Variants in KCNH7 observed in about 807,000 individuals in gnomAD.
The protein encoded by KCNH7 is potassium voltage-gated channel subfamily H member 7, also known as voltage-gated inwardly rectifying potassium channel KCNH7.
KCNH7 carries 49 observed loss-of-function variants against 120.8 expected under a neutral mutation model. The ratio of observed to expected loss-of-function variants is 0.41; its 90% CI spans 0.32 to 0.51. KCNH7 has a LOEUF of 0.51. Ranked by LOEUF, KCNH7 falls within the 20% of genes least tolerant of loss-of-function variation. The probability of loss-of-function intolerance (pLI) is 0.38; values close to 1 mark genes in which losing one functional copy is unlikely to be tolerated. For missense variants in KCNH7, 1,097 were observed against 1,446.6 expected, an observed-to-expected ratio of 0.76 and a Z score of 3.92; for synonymous variants, 547 against 516.1, an observed-to-expected ratio of 1.06 and a Z score of -0.81.
At chr2:162,390,440 C>A (rs1293620942) in intron 12 of KCNH7, among the ~76,000 whole-genome samples, 1 of 151,880 alleles carries the variant, frequency 6.6e-6, no homozygotes, top group Non-Finnish European at 1.5e-5. Context: ...CTGGCTCACA[C>A]TGGAGTAGGC....
intron 2 of KCNH7, among the ~76,000 whole-genome samples, chr2:162,610,896 C>A (rs1268510454): frequency 6.6e-6 from 1 of 152,066 alleles, no homozygotes; most frequent in African/African-American, 2.4e-5. Flanking sequence ...ATGTGAAAGC[C>A]AGGTTCAGAG....
At chr2:162,506,937 C>T (rs1690902698) in intron 5 of KCNH7, among the ~76,000 whole-genome samples, 1 of 151,858 alleles carries the variant, frequency 6.6e-6, no homozygotes, top group African/African-American at 2.4e-5. Flanking sequence ...AATTGCCTTA[C>T]ATGCCTCGAG....
intron 2 of KCNH7, among the ~76,000 whole-genome samples, chr2:162,779,771 C>A (rs999858327): frequency 6.6e-6 from 1 of 152,138 alleles, no homozygotes; most frequent in South Asian, 2.1e-4. Context: ...GGTCTCTTCC[C>A]TCTCAGAATA....
At chr2:162,385,053 A>G (rs921907509) in intron 12 of KCNH7, 114 bp from the exon 13 acceptor site, 6 of 755,490 alleles carry the variant, frequency 7.9e-6, no homozygotes, top group African/African-American at 1.8e-5. Context: ...CCTATTGAAA[A>G]TGTAGCTACT....
intron 2 of KCNH7, among the ~76,000 whole-genome samples, chr2:162,654,768 G>T (rs886823270): frequency 6.6e-6 from 1 of 152,138 alleles, no homozygotes; most frequent in Non-Finnish European, 1.5e-5. Flanking sequence ...AGAGAATGTG[G>T]TATATATACA....
chr2:162,551,808 A>G lies in KCNH7; in HGVS notation c.308-14728T>C, dbSNP rs115534613. Among the ~76,000 whole-genome samples, 481 of 152,290 alleles carry G rather than the reference A, an allele frequency of 3.2e-3. 2 individuals carry two copies. The highest frequency in any genetic ancestry group is 0.011 in the African/African-American group (461 of 41,570). ...ATTTTAATGATCCATGTGTGGGTCCATTTGATTCCCATAATAAGCATTTAA... is the reference window on the plus strand; with the variant it reads ...ATTTTAATGATCCATGTGTGGGTCCGTTTGATTCCCATAATAAGCATTTAA... On this transcript the variant is annotated intron_variant, in intron 2 of 15. Coordinates refer to ENST00000332142, the MANE Select transcript of KCNH7 (RefSeq NM_033272.4).
At position 162,633,980 on chromosome 2, in the gene KCNH7, T is replaced by C. The variant is rs577824254; in HGVS notation, c.308-96900A>G. Among the ~76,000 whole-genome samples, 4 of 152,162 alleles carry C rather than the reference T, an allele frequency of 2.6e-5. No individual in the cohort carries two copies. The South Asian group carries it at 6.2e-4, about 24-fold the overall frequency. The stretch of plus-strand genomic sequence containing the variant: ...ACTTATATAAGTTTGACAATTTTCT[T>C]TACATAGATCCTTACCATTTATTGT... On this transcript the variant is annotated intron_variant, in intron 2 of 15. Transcript: ENST00000332142.
chr2:162,602,599 T>C (rs1170906659), intron 2 of KCNH7, among the ~76,000 whole-genome samples: 2 of 152,080 alleles, frequency 1.3e-5, no homozygotes, highest in African/African-American at 4.8e-5. Context: ...GAATCACTGC[T>C]TCACTTTATT....
At chr2:162,569,508 G>T (rs1311058785) in intron 2 of KCNH7, among the ~76,000 whole-genome samples, 1 of 142,006 alleles carries the variant, frequency 7.0e-6, no homozygotes, top group Non-Finnish European at 1.5e-5. Flanking sequence ...TTTTTGAAGG[G>T]TTTTTTGTGT....
intron 2 of KCNH7, among the ~76,000 whole-genome samples, chr2:162,548,884 T>C (rs1311349517): frequency 6.6e-6 from 1 of 152,180 alleles, no homozygotes; most frequent in Non-Finnish European, 1.5e-5. Flanking sequence ...AAAGTATGAG[T>C]TATCATTATC....
chr2:162,692,073 A>G (rs753903892), intron 2 of KCNH7, among the ~76,000 whole-genome samples: 2 of 152,044 alleles, frequency 1.3e-5, no homozygotes, highest in African/African-American at 4.8e-5. Flanking sequence ...CATTAAGACA[A>G]TGACATTGGC....
At chr2:162,752,549 G>A (rs1472884398) in intron 2 of KCNH7, among the ~76,000 whole-genome samples, 1 of 151,824 alleles carries the variant, frequency 6.6e-6, no homozygotes, top group Non-Finnish European at 1.5e-5. Flanking sequence ...CTCTCAGTTT[G>A]GCTTGAAAGC....
intron 2 of KCNH7, among the ~76,000 whole-genome samples, chr2:162,651,706 T>C (rs1226075566): frequency 6.6e-6 from 1 of 152,192 alleles, no homozygotes; most frequent in Non-Finnish European, 1.5e-5. Context: ...TATATTCCTC[T>C]GGCTATATGC....
At chr2:162,658,522 A>G (rs999251946) in intron 2 of KCNH7, among the ~76,000 whole-genome samples, 6 of 152,106 alleles carry the variant, frequency 3.9e-5, no homozygotes, top group Non-Finnish European at 7.4e-5. Context: ...GTTGATATTT[A>G]TATCAACAAA....
intron 2 of KCNH7, among the ~76,000 whole-genome samples, chr2:162,814,525 G>A (rs16847359): frequency 0.076 from 11,505 of 152,162 alleles, 470 homozygotes; most frequent in South Asian, 0.11. Flanking sequence ...TACAGAGTGG[G>A]AGCTCTTTCA....
At chr2:162,570,861 A>T (rs187584041) in intron 2 of KCNH7, among the ~76,000 whole-genome samples, 21 of 152,056 alleles carry the variant, frequency 1.4e-4, no homozygotes, top group African/African-American at 4.8e-4. Flanking sequence ...CATGCTAAAA[A>T]CTCTCAATAA....
intron 2 of KCNH7, among the ~76,000 whole-genome samples, chr2:162,728,021 T>C (rs931310892): frequency 6.6e-6 from 1 of 152,178 alleles, no homozygotes; most frequent in African/African-American, 2.4e-5. Context: ...TCATTTCTCT[T>C]GGGAGAATAC....
At chr2:162,608,616 T>G (rs548423039) in intron 2 of KCNH7, among the ~76,000 whole-genome samples, 1 of 152,324 alleles carries the variant, frequency 6.6e-6, no homozygotes, top group African/African-American at 2.4e-5. Flanking sequence ...TTTTGTCAAA[T>G]GGTCCCACCT....
intron 2 of KCNH7, among the ~76,000 whole-genome samples, chr2:162,604,821 T>C (rs995495382): frequency 6.6e-6 from 1 of 151,930 alleles, no homozygotes; most frequent in African/African-American, 2.4e-5. Flanking sequence ...TTTCTTGCCC[T>C]AGAAAGGAGG....
Sources: gnomAD v4.1 joint callset for allele counts (sites outside exome capture counted in the v4.1 genomes callset) on GRCh38, gnomAD v4.1.1 for gene constraint, MANE v1.5 for transcripts, NCBI Gene and HGNC (gene_info 2026-07-23, HGNC 2026-07-21) for gene names.